Variants in ZNF420 observed in about 807,000 individuals in gnomAD.
ZNF420 encodes the protein zinc finger protein 420.
Under a neutral mutation model 44.7 loss-of-function variants are expected in ZNF420, and 31 were observed. The observed-to-expected ratio is 0.69, with a 90% CI of 0.52 to 0.94. The LOEUF (loss-of-function observed/expected upper bound fraction) is 0.94, where lower values mean the gene tolerates loss of function less well. ZNF420 is among the 40% of genes least tolerant of loss of function. ZNF420 has a pLI of 0.00. For missense variants in ZNF420, 681 were observed against 827.9 expected, an observed-to-expected ratio of 0.82 and a Z score of 2.18; for synonymous variants, 245 against 267.4, an observed-to-expected ratio of 0.92 and a Z score of 0.82.
chr19:37,045,555 T>G (rs1599613953), intron 1 of ZNF420, among the ~76,000 whole-genome samples: 1 of 152,228 alleles, frequency 6.6e-6, no homozygotes, highest in East Asian at 1.9e-4. Context: ...TAGAGGAGCC[T>G]GGAGAGGCAG....
chr19:37,128,703 G>A lies in ZNF420; in HGVS notation c.1712G>A (p.Gly571Asp). Residue 571 changes from glycine to aspartate, a missense_variant, in exon 5 of 5, where the codon GGT becomes GAT. Gly to Asp is a moderately conservative substitution (Grantham distance 94, BLOSUM62 -1). Transcript: ENST00000337995. Reference protein sequence around the residue: ...CKECGKAFIRGSQLTQHQRIH... With the variant: ...CKECGKAFIRDSQLTQHQRIH... ...GAATGTGGGAAAGCCTTTATTCGTG[G>A]TTCACAGTTGACTCAACATCAGCGA... 6.2e-7 allele frequency: 1 copy of A among 1,614,016 alleles called. No individual in the cohort carries two copies. The highest frequency in any genetic ancestry group is 2.2e-5 in the East Asian group (1 of 44,862).
chr19:37,010,923 G>A (rs1448747415), intron 1 of ZNF420, among the ~76,000 whole-genome samples: 4 of 152,088 alleles, frequency 2.6e-5, no homozygotes, highest in Admixed American at 6.6e-5. Context: ...ATCTCCTCAC[G>A]GCTCTTCTCT....
At chr19:37,121,561 A>G (rs1015424683) in intron 4 of ZNF420, among the ~76,000 whole-genome samples, 2 of 152,212 alleles carry the variant, frequency 1.3e-5, no homozygotes, top group Admixed American at 1.3e-4. Flanking sequence ...GGACATAGGC[A>G]TGGGCAAGGA....
intron 1 of ZNF420, among the ~76,000 whole-genome samples, chr19:37,052,515 A>T (rs1967657985): frequency 6.6e-6 from 1 of 152,058 alleles, no homozygotes; most frequent in Non-Finnish European, 1.5e-5. Flanking sequence ...GCTCCTTTCC[A>T]TATTTAGTGC....
chr19:37,111,649 C>T (rs1423071950), intron 4 of ZNF420: 1 of 152,168 alleles, frequency 6.6e-6, no homozygotes, highest in African/African-American at 2.4e-5. Flanking sequence ...TTATCTCTAA[C>T]TGGTTGAAGA....
intron 1 of ZNF420, among the ~76,000 whole-genome samples, chr19:37,043,946 A>C (rs1180126946): frequency 6.6e-6 from 1 of 152,246 alleles, no homozygotes; most frequent in Non-Finnish European, 1.5e-5. Context: ...TCCATGACAA[A>C]GAGAAAGTAC....
intron 1 of ZNF420, among the ~76,000 whole-genome samples, chr19:37,014,578 C>T (rs1779169490): frequency 6.6e-6 from 1 of 152,218 alleles, no homozygotes; most frequent in Non-Finnish European, 1.5e-5. Context: ...GCAGCCTCCT[C>T]CCCCAAGCCG....
chr19:37,042,857 TG>T (rs1183184207), intron 1 of ZNF420, among the ~76,000 whole-genome samples: 2 of 152,220 alleles, frequency 1.3e-5, no homozygotes, highest in Non-Finnish European at 2.9e-5. Flanking sequence ...TGAGTGAAAG[TG>T]AAAGACATGT....
Position 37,127,164 on chromosome 19 carries a change from C to T in ZNF420, c.173C>T (p.Pro58Leu). ...AGGTGTGCAAGTAAGGACTTATCTC[C>T]AGAAAAGAACACTTATGAAACAGAA... is the stretch of plus-strand genomic sequence containing the variant. ...PSRCASKDLS[P>L]EKNTYETELS... Residue 58 changes from proline (P) to leucine (L), a missense_variant, in exon 5 of 5, where the codon CCA (proline) becomes CTA (leucine). By Grantham distance (98) the Pro-to-Leu change is moderately conservative. This residue lies in a region of ZNF420 where 350 missense variants were observed against 382.5 expected (regional missense o/e 0.92). Coordinates refer to ENST00000337995, the MANE Select transcript of ZNF420 (RefSeq NM_144689.5). The T allele has an allele frequency of 6.5e-7, 1 of 1,544,976 alleles. No homozygotes were observed. Among genetic ancestry groups the T allele is most frequent in the Non-Finnish European group, 8.7e-7 (1 of 1,146,622 alleles).
At chr19:37,104,697 A>G (rs936595790) in intron 4 of ZNF420, among the ~76,000 whole-genome samples, 2 of 152,136 alleles carry the variant, frequency 1.3e-5, no homozygotes, top group African/African-American at 4.8e-5. Context: ...GTGAGATGGT[A>G]TCTCATTGTG....
chr19:37,020,187 A>G (rs2074637397), intron 1 of ZNF420, among the ~76,000 whole-genome samples: 1 of 149,620 alleles, frequency 6.7e-6, no homozygotes, highest in Non-Finnish European at 1.5e-5. Flanking sequence ...ACTGCACTCC[A>G]GCCTGGGCGA....
At chr19:37,126,164 A>G (rs1273410298) in intron 4 of ZNF420, among the ~76,000 whole-genome samples, 1 of 152,318 alleles carries the variant, frequency 6.6e-6, no homozygotes, top group South Asian at 2.1e-4. Flanking sequence ...TAATTTGTAT[A>G]ATTGCTATCA....
At position 37,089,035 on chromosome 19, in the gene ZNF420, G is replaced by T. The variant is rs562900502; in HGVS notation, c.-80-4G>T. ...GTCTCATGGTTCTGCTTTCTCCTCC[G>T]TAGCTCTGCATTCTCCAGACTCTGT... On this transcript the variant is annotated splice_region_variant and splice_polypyrimidine_tract_variant and intron_variant, in intron 2 of 4. Coordinates refer to ENST00000337995, the MANE Select transcript of ZNF420 (RefSeq NM_144689.5). 1 of 1,238,542 alleles carries T rather than the reference G, an allele frequency of 8.1e-7. No homozygotes were observed. The highest frequency in any genetic ancestry group is 1.2e-6 in the Non-Finnish European group (1 of 837,498). The allele number at this position is 1,238,542 out of a possible 1,614,324, so 76.7% of individuals were successfully genotyped here. A position where few individuals can be genotyped will look rare whatever the true frequency, so the allele number is the denominator to read the frequency against.
At chr19:37,086,997 G>A (rs960188515) in intron 2 of ZNF420, among the ~76,000 whole-genome samples, 1 of 152,066 alleles carries the variant, frequency 6.6e-6, no homozygotes, top group African/African-American at 2.4e-5. Context: ...CTTAAGAAGA[G>A]CTTAGGGCCA....
At chr19:37,049,996 TGTCAGG>T (rs1967610226) in intron 1 of ZNF420, among the ~76,000 whole-genome samples, 1 of 152,182 alleles carries the variant, frequency 6.6e-6, no homozygotes, top group Non-Finnish European at 1.5e-5. Context: ...TTCTTGTTTT[TGTCAGG>T]TTTGTCAAAG....
rs1053023909 is a variant in ZNF420, at chr19:37,129,345, C to G, written c.*287C>G. The G allele has an allele frequency of 2.6e-6, 1 of 378,184 alleles. No individual in the cohort carries two copies. The highest frequency in any genetic ancestry group is 4.7e-6 in the Non-Finnish European group (1 of 211,232). 23.4% of individuals were successfully genotyped at this position (378,184 alleles called of 1,614,324 possible). A position where few individuals can be genotyped will look rare whatever the true frequency, so the allele number is the denominator to read the frequency against. ...CGTTATCTTAGCTCTACTAGTTGAT[C>G]TTTTTGTTATATGTATCATGATACT... On this transcript the variant is annotated 3_prime_UTR_variant, in exon 5 of 5. Coordinates refer to ENST00000337995, the MANE Select transcript of ZNF420 (RefSeq NM_144689.5).
At chr19:37,012,130 CCGGTAGAAGT>C (rs1173637467) in intron 1 of ZNF420, among the ~76,000 whole-genome samples, 1 of 152,182 alleles carries the variant, frequency 6.6e-6, no homozygotes, top group Non-Finnish European at 1.5e-5. Context: ...TCCTCCTCCA[CCGGTAGAAGT>C]CGGCACAAGG....
intron 1 of ZNF420, among the ~76,000 whole-genome samples, chr19:37,071,396 A>G (rs1968055225): frequency 6.6e-6 from 1 of 152,368 alleles, no homozygotes; most frequent in South Asian, 2.1e-4. Context: ...CTGAAACTAT[A>G]AAGAAAAGCA....
chr19:37,027,453 A>G (rs1217792593), intron 1 of ZNF420, among the ~76,000 whole-genome samples: 3 of 152,172 alleles, frequency 2.0e-5, no homozygotes, highest in Non-Finnish European at 4.4e-5. Flanking sequence ...TTATATTAAG[A>G]TTCACTCTTT....
Sources: gnomAD v4.1 joint callset for allele counts (sites outside exome capture counted in the v4.1 genomes callset) on GRCh38, gnomAD v4.1.1 for gene constraint, gnomAD v4.1.1 regional missense constraint, MANE v1.5 for transcripts, NCBI Gene and HGNC (gene_info 2026-07-23, HGNC 2026-07-21) for gene names.